PGAM5: variants seen among roughly 807,000 people sequenced by gnomAD.
PGAM5 encodes serine/threonine-protein phosphatase PGAM5, mitochondrial.
Under a neutral mutation model 30.6 loss-of-function variants are expected in PGAM5, and 25 were observed. The observed-to-expected ratio is 0.82, with a 90% CI of 0.60 to 1.14. The LOEUF is 1.14. PGAM5 is among the 50% of genes most tolerant of loss of function. PGAM5 has a pLI of 0.00. For missense variants in PGAM5, 384 were observed against 408.5 expected (o/e 0.94, Z 0.52); for synonymous variants, 201 against 179.1 (o/e 1.12, Z -0.98).
chr12:132,721,603 T>A lies in PGAM5; in HGVS notation c.*775T>A, dbSNP rs1228685761. On this transcript the variant is annotated 3_prime_UTR_variant, in exon 6 of 6. Transcript: ENST00000498926. ...AGGGAGACTTAAAGCAATTTTTTCT[T>A]TTGAAACGGAGTTTCACTCTTGTTG... 1 of 152,206 alleles carries A rather than the reference T, an allele frequency of 6.6e-6. No homozygotes were observed. The highest frequency in any genetic ancestry group is 2.4e-5 in the African/African-American group (1 of 41,452). The allele number at this position is 152,206 out of a possible 1,614,324, so 9.4% of individuals were successfully genotyped here.
chr12:132,718,867 G>A (rs1003789679), intron 5 of PGAM5: 63 of 1,611,602 alleles, frequency 3.9e-5, no homozygotes, highest in East Asian at 8.9e-5. Context: ...GTGACGGCTC[G>A]GGGTGTCCGC....
In PGAM5 at chr12:132,720,981, G is replaced by C; in HGVS notation, c.*153G>C. The stretch of plus-strand genomic sequence containing the variant: ...GCTGAGAAGGGGAGAGTTGGGATCA[G>C]ACAGCCTGACTTCTCTGCAGGGTTT... On this transcript the variant is annotated 3_prime_UTR_variant, in exon 6 of 6. Coordinates refer to ENST00000498926, the MANE Select transcript of PGAM5 (RefSeq NM_001170543.2). 3 of 950,562 alleles carry C rather than the reference G, an allele frequency of 3.2e-6. No individual in the cohort carries two copies. The highest frequency in any genetic ancestry group is 4.5e-6 in the Non-Finnish European group (3 of 659,848). 58.9% of individuals were successfully genotyped at this position (950,562 alleles called of 1,614,324 possible).
intron 2 of PGAM5, 135 bp downstream of exon 2, chr12:132,715,171 G>C (rs1170699485): frequency 7.0e-6 from 6 of 851,396 alleles, no homozygotes; most frequent in Non-Finnish European, 1.1e-5. Context: ...AAAGTGCTTG[G>C]GGCACTGGGC....
intron 2 of PGAM5, 60 bp from the exon 3 acceptor site, chr12:132,717,379 G>GGTGTTTGAGGGTGGAGGAGGGC: frequency 1.3e-6 from 2 of 1,559,568 alleles, no homozygotes; most frequent in Non-Finnish European, 1.7e-6. Context: ...CGGAGGAGGG[G>GGTGTTTGAGGGTGGAGGAGGGC]GTGTTTGAGG....
intron 2 of PGAM5, among the ~76,000 whole-genome samples, chr12:132,716,465 G>A (rs4883609): frequency 0.43 from 64,554 of 151,196 alleles, 14,696 homozygotes; most frequent in Non-Finnish European, 0.51. Context: ...TCCTGACCTC[G>A]TAATCCGCCC....
chr12:132,717,358 G>A, intron 2 of PGAM5, 81 bp from the exon 3 acceptor site: 11 of 1,496,674 alleles, frequency 7.3e-6, no homozygotes, highest in African/African-American at 1.4e-5. Context: ...GGAGGAGGGC[G>A]TGTTTGCGGG....
intron 1 of PGAM5, among the ~76,000 whole-genome samples, chr12:132,714,264 C>G (rs2043550834): frequency 6.6e-6 from 1 of 152,232 alleles, no homozygotes; most frequent in East Asian, 1.9e-4. Context: ...TTGATCTGGC[C>G]ACCTCAGCCT....
intron 1 of PGAM5, among the ~76,000 whole-genome samples, chr12:132,711,951 G>A (rs1338399359): frequency 6.6e-6 from 1 of 152,094 alleles, no homozygotes; most frequent in Non-Finnish European, 1.5e-5. Flanking sequence ...GTTTCTGTCG[G>A]CCAGGACTGC....
intron 1 of PGAM5, among the ~76,000 whole-genome samples, chr12:132,713,504 C>G (rs148265659): frequency 6.6e-6 from 1 of 152,290 alleles, no homozygotes; most frequent in African/African-American, 2.4e-5. Flanking sequence ...CCCATACCTG[C>G]CAATTTGAGT....
intron 2 of PGAM5, among the ~76,000 whole-genome samples, chr12:132,716,362 GGC>G (rs2043578109): frequency 6.6e-6 from 1 of 151,992 alleles, no homozygotes; most frequent in African/African-American, 2.4e-5. Flanking sequence ...TGGGATTACA[GGC>G]GTGAGCCACC....
At position 132,720,783 on chromosome 12, in the gene PGAM5, C is replaced by T. The variant is rs924806598; in HGVS notation, c.825C>T (p.Leu275=). The change falls in exon 6 of 6, where the codon CTC becomes CTT. Residue 275 remains leucine, a synonymous_variant. Transcript: ENST00000498926. ...RPNGRVALRT[L]GDTGFMPPDK... ...ACGGCCGAGTTGCGCTCAGGACCCT[C>T]GGGGACACGGGGTTCATGCCTCCCG... The T allele has an allele frequency of 4.6e-6, 7 of 1,536,414 alleles. No individual in the cohort carries two copies. Among genetic ancestry groups the T allele is most frequent in the East Asian group, 2.4e-5 (1 of 40,910 alleles).
chr12:132,716,813 C>G (rs1401001540), intron 2 of PGAM5, among the ~76,000 whole-genome samples: 1 of 152,244 alleles, frequency 6.6e-6, no homozygotes, highest in African/African-American at 2.4e-5. Flanking sequence ...CTGTCCTCCA[C>G]AGACGCCGCC....
In PGAM5 at chr12:132,711,142, G is replaced by A. The variant is rs941550891; in HGVS notation, c.191+75G>A. On this transcript the variant is annotated intron_variant, in intron 1 of 5. Transcript: ENST00000498926. ...GTGTTACCGTTGGGATCGAGATCGG[G>A]ACCAGGTTTAAGGTTGCGATCGGGT... is the stretch of plus-strand genomic sequence containing the variant. 3.7e-6 allele frequency: 4 copies of A among 1,082,508 alleles called. No homozygotes were observed. The African/African-American group carries it at 5.0e-5, about 13-fold the overall frequency. 67.1% of individuals were successfully genotyped at this position (1,082,508 alleles called of 1,614,324 possible).
At chr12:132,717,179 G>A (rs1039217489) in intron 2 of PGAM5, among the ~76,000 whole-genome samples, 3 of 152,216 alleles carry the variant, frequency 2.0e-5, no homozygotes, top group Non-Finnish European at 4.4e-5. Flanking sequence ...TCAGATGCAT[G>A]TTTTTTCCTG....
At chr12:132,715,570 CA>C (rs571746042) in intron 2 of PGAM5, among the ~76,000 whole-genome samples, 110 of 122,320 alleles carry the variant, frequency 9.0e-4, no homozygotes, top group African/African-American at 1.3e-3. Flanking sequence ...GACTCCGTCT[CA>C]AAAAAAAAAA....
rs1252539029 is a variant in PGAM5, at chr12:132,721,360, T to C, written c.*532T>C. ...TTCCCAGCTACTCAGGAGGCCAGGG[T>C]GGGAGGATCACTTGAGCTCAGGAGT... is the stretch of plus-strand genomic sequence containing the variant. On this transcript the variant is annotated 3_prime_UTR_variant, in exon 6 of 6. Transcript: ENST00000498926. 3 of 152,260 alleles carry C rather than the reference T, an allele frequency of 2.0e-5. No individual in the cohort carries two copies. Among genetic ancestry groups the C allele is most frequent in the African/African-American group, 7.2e-5 (3 of 41,390 alleles). 9.4% of individuals were successfully genotyped at this position (152,260 alleles called of 1,614,324 possible).
At chr12:132,713,907 G>A (rs938170661) in intron 1 of PGAM5, among the ~76,000 whole-genome samples, 3 of 152,108 alleles carry the variant, frequency 2.0e-5, no homozygotes, top group Admixed American at 6.6e-5. Context: ...GGGCTCCAGT[G>A]ATCTGCCCAC....
intron 5 of PGAM5, chr12:132,719,070 T>C: frequency 7.1e-7 from 1 of 1,408,530 alleles, no homozygotes; most frequent in Non-Finnish European, 9.2e-7. Context: ...GCAGCCACGT[T>C]AGAGGGCCCC....
At chr12:132,715,745 G>A (rs1041745768) in intron 2 of PGAM5, among the ~76,000 whole-genome samples, 21 of 152,126 alleles carry the variant, frequency 1.4e-4, no homozygotes, top group African/African-American at 3.9e-4. Context: ...CGGGTGCAGT[G>A]GCAGGCACCT....
Sources: allele counts gnomAD v4.1 joint callset (sites outside exome capture counted in the v4.1 genomes callset), GRCh38; gene constraint gnomAD v4.1.1; transcripts MANE v1.5; gene names NCBI Gene and HGNC (gene_info 2026-07-23, HGNC 2026-07-21).